ARHGAP29: variants seen among roughly 807,000 people sequenced by gnomAD.
ARHGAP29 encodes Rho GTPase activating protein 29.
Under a neutral mutation model 122.6 loss-of-function variants are expected in ARHGAP29, and 43 were observed. The ratio of observed to expected loss-of-function variants is 0.35; its 90% confidence interval spans 0.27 to 0.45. ARHGAP29 has a LOEUF of 0.45. ARHGAP29 is among the 20% of genes least tolerant of loss of function. The probability of loss-of-function intolerance (pLI) is 1.00; values close to 1 mark genes in which losing one functional copy is unlikely to be tolerated. For missense variants in ARHGAP29, 1,303 were observed against 1,477.2 expected, an observed-to-expected ratio of 0.88 and a Z score of 1.93; for synonymous variants, 506 against 497.1, an observed-to-expected ratio of 1.02 and a Z score of -0.24.
the ARHGAP29 span, among the ~76,000 whole-genome samples, chr1:94,296,979 A>G: frequency 6.6e-6 from 1 of 152,206 alleles, no homozygotes; most frequent in Non-Finnish European, 1.5e-5. Flanking sequence ...GAAGACATCT[A>G]TTGAGACATA....
chr1:94,302,512 AT>A, the ARHGAP29 span: 2 of 341,396 alleles, frequency 5.9e-6, no homozygotes, highest in Non-Finnish European at 1.2e-5. Context: ...GTCATCCATA[AT>A]AACTCTGGCA....
At chr1:94,302,504 C>A in the ARHGAP29 span, 1 of 347,234 alleles carries the variant, frequency 2.9e-6, no homozygotes, top group Admixed American at 3.5e-5. Context: ...TGGCCAAGGT[C>A]ATCCATAATA....
rs913170325 is a variant in ARHGAP29, at chr1:94,171,624, C to T, written c.*2245G>A. Reference sequence around the variant, plus strand: ...CTGTGGATCCTCTAGAAATAGCAACCTCTTCTCAAGAGATACTTGCCTCAG... The same window carrying T: ...CTGTGGATCCTCTAGAAATAGCAACTTCTTCTCAAGAGATACTTGCCTCAG... On this transcript the variant is annotated 3_prime_UTR_variant, in exon 23 of 23. Transcript: ENST00000260526. 6.6e-6 allele frequency: 1 copy of T among 152,168 alleles called. No individual in the cohort carries two copies. The highest frequency in any genetic ancestry group is 6.5e-5 in the Admixed American group (1 of 15,278). 9.4% of individuals were successfully genotyped at this position (152,168 alleles called of 1,614,324 possible). A position where few individuals can be genotyped will look rare whatever the true frequency, so the allele number is the denominator to read the frequency against.
intron 4 of ARHGAP29, 77 bp from the exon 5 acceptor site, chr1:94,208,981 T>A: frequency 1.5e-6 from 2 of 1,334,742 alleles, no homozygotes; most frequent in Non-Finnish European, 2.1e-6. Flanking sequence ...ACATGTTATC[T>A]AAAATAATTT....
At chr1:94,298,860 A>C in the ARHGAP29 span, among the ~76,000 whole-genome samples, 1 of 152,210 alleles carries the variant, frequency 6.6e-6, no homozygotes, top group Non-Finnish European at 1.5e-5. Context: ...GTAATAATAA[A>C]CTATAAACAC....
intron 6 of ARHGAP29, 108 bp downstream of exon 6, chr1:94,205,527 T>G (rs1206794426): frequency 9.4e-7 from 1 of 1,069,388 alleles, no homozygotes. Flanking sequence ...TCATTTTGCA[T>G]TAAAAATGAA....
chr1:94,221,684 TATAA>T (rs1223825315), intron 2 of ARHGAP29, among the ~76,000 whole-genome samples: 3 of 151,010 alleles, frequency 2.0e-5, no homozygotes, highest in Admixed American at 1.3e-4. Flanking sequence ...TATATGTATA[TATAA>T]ATATATTCAT....
intron 19 of ARHGAP29, among the ~76,000 whole-genome samples, chr1:94,182,703 T>C (rs1649551921): frequency 6.6e-6 from 1 of 152,166 alleles, no homozygotes; most frequent in Admixed American, 6.5e-5. Flanking sequence ...ACTTATGACA[T>C]TTCCATTCAA....
At chr1:94,233,043 C>G (rs964118864) in intron 1 of ARHGAP29, among the ~76,000 whole-genome samples, 1 of 150,998 alleles carries the variant, frequency 6.6e-6, no homozygotes, top group Non-Finnish European at 1.5e-5. Flanking sequence ...CTCCTGGGCT[C>G]GGGCCATCTG....
At chr1:94,264,060 C>A (rs1166378897) in intron 1 of ARHGAP29, among the ~76,000 whole-genome samples, 2 of 152,134 alleles carry the variant, frequency 1.3e-5, no homozygotes, top group African/African-American at 2.4e-5. Flanking sequence ...AATTTTGGGT[C>A]AAAGGCTGGG....
intron 2 of ARHGAP29, among the ~76,000 whole-genome samples, chr1:94,228,186 T>C (rs531509196): frequency 1.3e-5 from 2 of 151,882 alleles, no homozygotes; most frequent in Admixed American, 6.6e-5. Flanking sequence ...ACAGAGCTCT[T>C]TGGCAGACAT....
the ARHGAP29 span, among the ~76,000 whole-genome samples, chr1:94,313,004 C>T: frequency 6.6e-6 from 1 of 152,156 alleles, no homozygotes; most frequent in African/African-American, 2.4e-5. Context: ...TCCCTGTACC[C>T]CAGACAGATC....
chr1:94,188,715 T>G, intron 15 of ARHGAP29, 122 bp downstream of exon 15: 1 of 803,882 alleles, frequency 1.2e-6, no homozygotes, highest in South Asian at 2.0e-5. Context: ...ATTTTTTAAA[T>G]TGTACACTTT....
At chr1:94,194,020 G>T (rs140233157) in intron 12 of ARHGAP29, 188 of 152,180 alleles carry the variant, frequency 1.2e-3, no homozygotes, top group African/African-American at 4.4e-3. Context: ...GAACTTCTAC[G>T]GTGGTGATGC....
intron 1 of ARHGAP29, among the ~76,000 whole-genome samples, chr1:94,264,713 T>G (rs952714437): frequency 3.9e-5 from 6 of 152,184 alleles, no homozygotes; most frequent in Non-Finnish European, 7.4e-5. Flanking sequence ...CTTCCCCAGA[T>G]GATTTAGCTT....
chr1:94,222,107 T>G (rs1652334979), intron 2 of ARHGAP29, among the ~76,000 whole-genome samples: 1 of 152,138 alleles, frequency 6.6e-6, no homozygotes, highest in Non-Finnish European at 1.5e-5. Flanking sequence ...AATAAAGTAG[T>G]ATTGGATTAT....
At chr1:94,179,294 A>G (rs1340622269) in intron 20 of ARHGAP29, among the ~76,000 whole-genome samples, 1 of 152,054 alleles carries the variant, frequency 6.6e-6, no homozygotes, top group Non-Finnish European at 1.5e-5. Context: ...CACACTTAAC[A>G]CTTAAGAATG....
In ARHGAP29 at chr1:94,243,849, T is replaced by C. The variant is rs1053635719; in HGVS notation, c.-32-12206A>G. Among the ~76,000 whole-genome samples the C allele has an allele frequency of 1.1e-4, 16 of 152,074 alleles. No individual in the cohort carries two copies. The East Asian group carries it at 2.3e-3, about 22-fold the overall frequency. Reference sequence around the variant, plus strand: ...ATATGAATGGAAGAAACGACATCAGTACAGACCCTACAGACACAAGGATAA... The same window carrying C: ...ATATGAATGGAAGAAACGACATCAGCACAGACCCTACAGACACAAGGATAA... On this transcript the variant is annotated intron_variant and NMD_transcript_variant, in intron 1 of 25. Transcript: ENST00000552844.
At chr1:94,247,723 A>C in intron 1 of ARHGAP29, 20 of 718,750 alleles carry the variant, frequency 2.8e-5, no homozygotes, top group Non-Finnish European at 3.4e-5. Flanking sequence ...CACCACCACC[A>C]CAGCGGCCGC....
Sources: allele counts gnomAD v4.1 joint callset (sites outside exome capture counted in the v4.1 genomes callset), GRCh38; gene constraint gnomAD v4.1.1; transcripts MANE v1.5; gene names NCBI Gene and HGNC (gene_info 2026-07-23, HGNC 2026-07-21).